Variants in FOXN3 observed in about 807,000 individuals in gnomAD.
The protein encoded by FOXN3 is forkhead box protein N3.
Under a neutral mutation model 38.4 loss-of-function variants are expected in FOXN3, and 7 were observed. That is an observed-to-expected ratio of 0.18 (90% CI 0.10 to 0.34). FOXN3 has a LOEUF of 0.34. Ranked by LOEUF, FOXN3 falls within the 10% of genes least tolerant of loss-of-function variation. FOXN3 has a pLI of 1.00. For missense variants in FOXN3, 456 were observed against 613.4 expected, an observed-to-expected ratio of 0.74 and a Z score of 2.71; for synonymous variants, 230 against 242.2, an observed-to-expected ratio of 0.95 and a Z score of 0.47.
chr14:89,456,778 A>C (rs138358231), intron 1 of FOXN3, among the ~76,000 whole-genome samples: 10 of 152,264 alleles, frequency 6.6e-5, no homozygotes, highest in African/African-American at 2.4e-4. Context: ...ATAATAAATA[A>C]GTGAATGAAA....
At chr14:89,242,849 C>T (rs930263463) in intron 4 of FOXN3, among the ~76,000 whole-genome samples, 5 of 152,310 alleles carry the variant, frequency 3.3e-5, no homozygotes, top group East Asian at 1.9e-4. Flanking sequence ...AGAATACACA[C>T]CCCAAACCAA....
chr14:89,531,352 T>C (rs1894565096), intron 1 of FOXN3, among the ~76,000 whole-genome samples: 1 of 152,166 alleles, frequency 6.6e-6, no homozygotes, highest in Admixed American at 6.6e-5. Context: ...TGGTTTATAA[T>C]AAATACATAT....
Position 89,280,984 on chromosome 14 carries a change from A to G in FOXN3, c.711T>C (p.Ser237=). 1 of 1,613,954 alleles carries G rather than the reference A, an allele frequency of 6.2e-7. No homozygotes were observed. The highest frequency in any genetic ancestry group is 8.5e-7 in the Non-Finnish European group (1 of 1,179,970). The part of the protein sequence containing the change: ...STSGPPIWPG[S]TFFKRNGALL... ...GGGCTCCATTTCTCTTGAAGAAGGT[A>G]CTGCCCGGCCAGATGGGTGGACCTG... is the stretch of plus-strand genomic sequence containing the variant. Residue 237 remains serine, a synonymous_variant, in exon 4 of 6, where the codon AGT becomes AGC. Transcript: ENST00000557258.
chr14:89,359,918 TG>T (rs1484435254), intron 2 of FOXN3, among the ~76,000 whole-genome samples: 1 of 152,170 alleles, frequency 6.6e-6, no homozygotes, highest in Non-Finnish European at 1.5e-5. Flanking sequence ...GAGCTCATGG[TG>T]GGAACTGGAG....
intron 3 of FOXN3, among the ~76,000 whole-genome samples, chr14:89,341,271 G>A (rs528128398): frequency 6.6e-6 from 1 of 152,280 alleles, no homozygotes; most frequent in South Asian, 2.1e-4. Context: ...GTCAGATGCT[G>A]TTCTGTCTTG....
intron 1 of FOXN3, among the ~76,000 whole-genome samples, chr14:89,601,200 G>C (rs533287064): frequency 1.3e-5 from 2 of 152,164 alleles, no homozygotes; most frequent in Admixed American, 1.3e-4. Context: ...GAATTTTGAC[G>C]ATGCTATTCA....
At chr14:89,191,500 T>G (rs1353583575) in intron 4 of FOXN3, among the ~76,000 whole-genome samples, 1 of 152,188 alleles carries the variant, frequency 6.6e-6, no homozygotes, top group Non-Finnish European at 1.5e-5. Context: ...TGACTAATGA[T>G]GGGGGACAAG....
intron 3 of FOXN3, among the ~76,000 whole-genome samples, chr14:89,297,883 C>G (rs555505075): frequency 6.6e-6 from 1 of 152,068 alleles, no homozygotes; most frequent in South Asian, 2.1e-4. Context: ...TACTTGGGAA[C>G]CTGAGGCAGG....
Position 89,613,881 on chromosome 14 carries a change from C to A in FOXN3, c.-15+5147G>T, listed in dbSNP as rs1319253879. 2.0e-5 allele frequency among the ~76,000 whole-genome samples: 3 copies of A among 152,176 alleles called. No individual in the cohort carries two copies. The East Asian group carries it at 5.8e-4, about 29-fold the overall frequency. ...TGCGGTTTGCCTGAATGAAGAGTCT[C>A]CTGATTTCTCATCTCCATACCAGGC... On this transcript the variant is annotated intron_variant, in intron 1 of 6. Transcript: ENST00000345097.
At chr14:89,207,780 A>G (rs998686285) in intron 4 of FOXN3, among the ~76,000 whole-genome samples, 1 of 152,266 alleles carries the variant, frequency 6.6e-6, no homozygotes, top group African/African-American at 2.4e-5. Flanking sequence ...GACAGGGCCC[A>G]TAACATGGAG....
intron 5 of FOXN3, among the ~76,000 whole-genome samples, chr14:89,166,554 G>T (rs1180039615): frequency 6.6e-6 from 1 of 152,138 alleles, no homozygotes; most frequent in Non-Finnish European, 1.5e-5. Flanking sequence ...GTTCAAGCAG[G>T]AATTCAAAAT....
intron 4 of FOXN3, among the ~76,000 whole-genome samples, chr14:89,211,346 G>C (rs974642493): frequency 6.6e-6 from 1 of 152,202 alleles, no homozygotes; most frequent in African/African-American, 2.4e-5. Flanking sequence ...TTCAGTGTAT[G>C]CAACTGTAGA....
At chr14:89,372,543 G>T (rs1441879076) in intron 2 of FOXN3, among the ~76,000 whole-genome samples, 11 of 152,118 alleles carry the variant, frequency 7.2e-5, no homozygotes, top group Non-Finnish European at 1.6e-4. Context: ...TATTATAACA[G>T]GAATTCATTT....
chr14:89,173,856 C>A (rs1276833496), intron 5 of FOXN3, among the ~76,000 whole-genome samples: 2 of 151,942 alleles, frequency 1.3e-5, no homozygotes, highest in Non-Finnish European at 2.9e-5. Context: ...CCAGGAGTGG[C>A]GGTGAGTGCC....
At chr14:89,535,030 T>G (rs1197509247) in intron 1 of FOXN3, among the ~76,000 whole-genome samples, 1 of 152,218 alleles carries the variant, frequency 6.6e-6, no homozygotes, top group African/African-American at 2.4e-5. Context: ...TCCCTTAATA[T>G]TCCTTCCCAT....
At chr14:89,286,358 G>A (rs544723709) in intron 3 of FOXN3, among the ~76,000 whole-genome samples, 6 of 152,214 alleles carry the variant, frequency 3.9e-5, no homozygotes, top group East Asian at 1.9e-4. Context: ...CACAGCACAC[G>A]ACAAAGCAGA....
At position 89,318,162 on chromosome 14, in the gene FOXN3, C is replaced by CTTTTTT. The variant is rs10624729; in HGVS notation, c.680+32504_680+32509dup. On this transcript the variant is annotated intron_variant, in intron 3 of 5. Transcript: ENST00000557258. ...TTCTTTTCTTTCTTCTTCTTCTTCT[C>CTTTTTT]TTTTTTTTTTTTTGAGGCGGAGTTT... Among the ~76,000 whole-genome samples, 8 of 127,486 alleles carry CTTTTTT rather than the reference C, an allele frequency of 6.3e-5. 1 individual carries two copies. The highest frequency in any genetic ancestry group is 9.1e-5 in the African/African-American group (3 of 32,816). The allele number at this position is 127,486 out of a possible 152,430, so 83.6% of individuals were successfully genotyped here.
intron 1 of FOXN3, among the ~76,000 whole-genome samples, chr14:89,533,309 T>C (rs1894611824): frequency 6.6e-6 from 1 of 152,184 alleles, no homozygotes; most frequent in South Asian, 2.1e-4. Context: ...TGAACTGCCC[T>C]GCCTCTCAAA....
At chr14:89,487,389 C>T (rs555503971) in intron 1 of FOXN3, among the ~76,000 whole-genome samples, 20 of 152,264 alleles carry the variant, frequency 1.3e-4, no homozygotes, top group African/African-American at 4.8e-4. Context: ...CGGCGGTTCC[C>T]AAACTGTGGG....
Sources: gnomAD v4.1 joint callset for allele counts (sites outside exome capture counted in the v4.1 genomes callset) on GRCh38, gnomAD v4.1.1 for gene constraint, MANE v1.5 for transcripts, NCBI Gene and HGNC (gene_info 2026-07-23, HGNC 2026-07-21) for gene names.